WDR70: variants seen among roughly 807,000 people sequenced by gnomAD.
The protein encoded by WDR70 is WD repeat-containing protein 70.
In WDR70, 53 loss-of-function variants were observed where a neutral mutation model predicts 88.6. The ratio of observed to expected loss-of-function variants is 0.60; its 90% CI spans 0.48 to 0.75. The LOEUF (loss-of-function observed/expected upper bound fraction) is 0.75, where lower values mean the gene tolerates loss of function less well. WDR70 is among the 30% of genes least tolerant of loss of function. The pLI, the probability that WDR70 is intolerant of heterozygous loss-of-function variation, is 0.00. For synonymous variants in WDR70, 280 were observed against 270.0 expected (o/e 1.04, Z -0.36); for missense variants, 610 against 823.2 (o/e 0.74, Z 3.17).
At chr5:37,534,498 G>A (rs1741597010) in intron 9 of WDR70, among the ~76,000 whole-genome samples, 2 of 80,444 alleles carry the variant, frequency 2.5e-5, no homozygotes, top group Admixed American at 1.4e-4. Context: ...TACAAATCAG[G>A]CTTTTTTTTT....
rs1243832717 is a variant in WDR70 at position 37,444,881 on chromosome 5, T to C, written c.686+1509T>C. 3.9e-5 allele frequency among the ~76,000 whole-genome samples: 6 copies of C among 152,146 alleles called. No homozygotes were observed. The East Asian group carries it at 1.2e-3, about 29-fold the overall frequency. ...AGATTCTAATATGGATTGTGCAACC[T>C]AGAGATCCCTCACATGCGCATTTCA... is the stretch of plus-strand genomic sequence containing the variant. On this transcript the variant is annotated intron_variant, in intron 7 of 17. Coordinates refer to ENST00000265107, the MANE Select transcript of WDR70 (RefSeq NM_018034.4).
chr5:37,490,412 G>T (rs1479980815), intron 8 of WDR70, among the ~76,000 whole-genome samples: 1 of 152,076 alleles, frequency 6.6e-6, no homozygotes, highest in Non-Finnish European at 1.5e-5. Flanking sequence ...GGAGATTGAT[G>T]CCAGTGGTAG....
chr5:37,711,805 C>T (rs1051447456), intron 13 of WDR70, among the ~76,000 whole-genome samples: 1 of 152,084 alleles, frequency 6.6e-6, no homozygotes, highest in Non-Finnish European at 1.5e-5. Flanking sequence ...ATACATGGCA[C>T]ATAGTAGATG....
At chr5:37,612,742 T>C (rs1744222920) in intron 10 of WDR70, among the ~76,000 whole-genome samples, 1 of 152,174 alleles carries the variant, frequency 6.6e-6, no homozygotes, top group South Asian at 2.1e-4. Context: ...CTCCAGCCAG[T>C]CATTCATTGT....
At chr5:37,485,093 G>A (rs1024311083) in intron 8 of WDR70, among the ~76,000 whole-genome samples, 1 of 152,224 alleles carries the variant, frequency 6.6e-6, no homozygotes, top group Non-Finnish European at 1.5e-5. Flanking sequence ...ATATTAAAGT[G>A]TAACTGGATA....
intron 15 of WDR70, 32 bp downstream of exon 15, chr5:37,722,966 T>G: frequency 1.2e-6 from 2 of 1,608,778 alleles, no homozygotes; most frequent in Non-Finnish European, 1.7e-6. Context: ...CAATCATGCA[T>G]CTCTCTTCTA....
In WDR70 at chr5:37,752,659, T is replaced by A. The variant is rs1748849838; in HGVS notation, c.*86T>A. 1.0e-6 allele frequency: 1 copy of A among 971,914 alleles called. No individual in the cohort carries two copies. 60.2% of individuals were successfully genotyped at this position (971,914 alleles called of 1,614,324 possible). A position where few individuals can be genotyped will look rare whatever the true frequency, so the allele number is the denominator to read the frequency against. ...TTTTTTATGCTCATGAAATTAAAAA[T>A]TCATTTTTATGAACAGGTTTTGTCC... On this transcript the variant is annotated 3_prime_UTR_variant, in exon 18 of 18. Transcript: ENST00000265107.
chr5:37,454,386 C>A (rs185370991), intron 7 of WDR70, among the ~76,000 whole-genome samples: 293 of 152,076 alleles, frequency 1.9e-3, no homozygotes, highest in African/African-American at 6.8e-3. Context: ...CTTATGATTT[C>A]CATTCATTTT....
chr5:37,385,261 T>C (rs1748572356), intron 3 of WDR70, among the ~76,000 whole-genome samples: 1 of 151,950 alleles, frequency 6.6e-6, no homozygotes, highest in Admixed American at 6.6e-5. Flanking sequence ...GGCTCACACC[T>C]ATAATCCCAG....
In WDR70 at chr5:37,661,780, A is replaced by G. The variant is rs530061574; in HGVS notation, c.1093-35875A>G. On this transcript the variant is annotated intron_variant, in intron 10 of 17. Transcript: ENST00000265107. ...TGATCCATCAAGTGCAGGGTCTGCAAAATATCTCAAGCACCGATCTTAGGT... is the reference window on the plus strand; with the variant it reads ...TGATCCATCAAGTGCAGGGTCTGCAGAATATCTCAAGCACCGATCTTAGGT... Among the ~76,000 whole-genome samples the G allele has an allele frequency of 2.0e-5, 3 of 152,174 alleles. No homozygotes were observed. In the South Asian group the frequency reaches 6.2e-4, roughly 32 times the overall value.
rs1052107863 is a variant in WDR70, at chr5:37,752,783, C to T, written c.*210C>T. On this transcript the variant is annotated 3_prime_UTR_variant, in exon 18 of 18. Transcript: ENST00000265107. ...AACTATTAAACTGATTACAGATAAA[C>T]AAGAAACAGATTCTTAGTCTATTAC... The T allele has an allele frequency of 2.2e-6, 1 of 464,804 alleles. No individual in the cohort carries two copies. Among genetic ancestry groups the T allele is most frequent in the African/African-American group, 2.1e-5 (1 of 48,704 alleles). 28.8% of individuals were successfully genotyped at this position (464,804 alleles called of 1,614,324 possible).
intron 9 of WDR70, among the ~76,000 whole-genome samples, chr5:37,549,770 G>A (rs1742090246): frequency 6.6e-6 from 1 of 152,020 alleles, no homozygotes; most frequent in African/African-American, 2.4e-5. Context: ...ACTAGCTGTG[G>A]GTCTGTCATA....
intron 16 of WDR70, among the ~76,000 whole-genome samples, chr5:37,725,794 C>T (rs192836131): frequency 3.3e-5 from 5 of 152,158 alleles, no homozygotes; most frequent in Admixed American, 2.6e-4. Flanking sequence ...TCCCACCTCA[C>T]TTCTATTTGT....
intron 16 of WDR70, among the ~76,000 whole-genome samples, 174 bp from the exon 17 acceptor site, chr5:37,726,709 G>A (rs1393569849): frequency 1.3e-5 from 2 of 152,076 alleles, no homozygotes; most frequent in African/African-American, 2.4e-5. Flanking sequence ...AAGTGCTATC[G>A]GGAAGTTGAG....
At chr5:37,449,938 C>G (rs1017895931) in intron 7 of WDR70, among the ~76,000 whole-genome samples, 1 of 152,116 alleles carries the variant, frequency 6.6e-6, no homozygotes, top group African/African-American at 2.4e-5. Flanking sequence ...TGATATTCCC[C>G]TCCTTGTGTC....
intron 7 of WDR70, among the ~76,000 whole-genome samples, chr5:37,473,331 T>G (rs1205115321): frequency 1.4e-5 from 2 of 145,378 alleles, no homozygotes; most frequent in Non-Finnish European, 3.0e-5. Context: ...TGTAGCTTGG[T>G]GTATTCATAT....
chr5:37,592,180 G>C (rs1743548536), intron 9 of WDR70, among the ~76,000 whole-genome samples: 1 of 152,166 alleles, frequency 6.6e-6, no homozygotes, highest in South Asian at 2.1e-4. Context: ...ACCCAAGTCT[G>C]AGTACAAAAT....
At chr5:37,586,183 T>G (rs1040156553) in intron 9 of WDR70, among the ~76,000 whole-genome samples, 7 of 152,154 alleles carry the variant, frequency 4.6e-5, no homozygotes, top group African/African-American at 1.7e-4. Context: ...ATTGATTCCC[T>G]TCTGTACTTA....
At chr5:37,456,998 G>A (rs1738859415) in intron 7 of WDR70, among the ~76,000 whole-genome samples, 2 of 152,226 alleles carry the variant, frequency 1.3e-5, no homozygotes, top group South Asian at 4.1e-4. Flanking sequence ...TGTATTACCT[G>A]TAAGACTGGC....
Sources: allele counts gnomAD v4.1 joint callset (sites outside exome capture counted in the v4.1 genomes callset), GRCh38; gene constraint gnomAD v4.1.1; transcripts MANE v1.5; gene names NCBI Gene and HGNC (gene_info 2026-07-23, HGNC 2026-07-21).